DENND5B: variants seen among roughly 807,000 people sequenced by gnomAD.
DENND5B encodes DENN domain containing 5B.
DENND5B carries 34 observed loss-of-function variants against 140.6 expected under a neutral mutation model. That is an observed-to-expected ratio of 0.24 (90% CI 0.18 to 0.32). The LOEUF is 0.32. DENND5B is among the 10% of genes least tolerant of loss of function. DENND5B has a pLI of 1.00. For synonymous variants in DENND5B, 551 were observed against 562.1 expected (o/e 0.98, Z 0.28); for missense variants, 1,142 against 1,560.2 (o/e 0.73, Z 4.52).
In DENND5B at chr12:31,474,546, T is replaced by G. The variant is rs79801766; in HGVS notation, c.904+5043A>C. Among the ~76,000 whole-genome samples, 14 of 152,336 alleles carry G rather than the reference T, an allele frequency of 9.2e-5. No homozygotes were observed. The East Asian group carries it at 2.3e-3, about 25-fold the overall frequency. On this transcript the variant is annotated intron_variant, in intron 3 of 20. Transcript: ENST00000389082. ...AAATAACAGATTGAATTGGTTTAAATGGGCTGTGGATCAGAATTTCAAATC... is the reference window on the plus strand; with the variant it reads ...AAATAACAGATTGAATTGGTTTAAAGGGGCTGTGGATCAGAATTTCAAATC...
chr12:31,565,062 A>G (rs186516571), intron 1 of DENND5B, among the ~76,000 whole-genome samples: 14 of 152,294 alleles, frequency 9.2e-5, no homozygotes, highest in Admixed American at 7.8e-4. Flanking sequence ...ATGACCCTCA[A>G]TGATTCTTGG....
intron 11 of DENND5B, among the ~76,000 whole-genome samples, chr12:31,417,819 CAG>C: frequency 6.6e-6 from 1 of 152,164 alleles, no homozygotes; most frequent in East Asian, 1.9e-4. Flanking sequence ...ACATCATACT[CAG>C]CAAATACACC....
At chr12:31,405,856 T>C (rs991058293) in intron 14 of DENND5B, among the ~76,000 whole-genome samples, 1 of 150,356 alleles carries the variant, frequency 6.7e-6, no homozygotes, top group Non-Finnish European at 1.5e-5. Flanking sequence ...ACTATTTATT[T>C]ATTTTTTGAG....
intron 2 of DENND5B, among the ~76,000 whole-genome samples, chr12:31,484,994 C>T (rs2138610279): frequency 6.6e-6 from 1 of 152,228 alleles, no homozygotes; most frequent in South Asian, 2.1e-4. Flanking sequence ...AAGTACTTCC[C>T]AAAGCCAAAC....
intron 1 of DENND5B, among the ~76,000 whole-genome samples, chr12:31,588,183 T>C (rs1315546079): frequency 6.6e-6 from 1 of 152,180 alleles, no homozygotes; most frequent in Non-Finnish European, 1.5e-5. Context: ...TTCTTCTGCG[T>C]GCAATGCTGT....
intron 1 of DENND5B, among the ~76,000 whole-genome samples, chr12:31,496,898 G>C (rs2138758141): frequency 6.6e-6 from 1 of 152,136 alleles, no homozygotes; most frequent in East Asian, 1.9e-4. Context: ...TGGGATCAAG[G>C]AACTAGAAGA....
At chr12:31,393,764 T>C (rs530234190) in intron 17 of DENND5B, among the ~76,000 whole-genome samples, 4 of 152,328 alleles carry the variant, frequency 2.6e-5, no homozygotes, top group Admixed American at 6.5e-5. Context: ...GTCGGCTCAC[T>C]GCACCCTCCG....
chr12:31,524,660 AC>A (rs1443991443), intron 1 of DENND5B, among the ~76,000 whole-genome samples: 1 of 152,122 alleles, frequency 6.6e-6, no homozygotes, highest in Non-Finnish European at 1.5e-5. Context: ...TGTGACATTT[AC>A]AAAAGAAGGA....
chr12:31,446,468 A>G (rs553990150), intron 6 of DENND5B, among the ~76,000 whole-genome samples: 7 of 152,318 alleles, frequency 4.6e-5, no homozygotes, highest in South Asian at 2.1e-4. Context: ...TTTAATTTCA[A>G]TAAGTGAAGC....
intron 1 of DENND5B, among the ~76,000 whole-genome samples, chr12:31,573,373 T>C (rs1351711046): frequency 1.3e-5 from 2 of 152,208 alleles, no homozygotes; most frequent in African/African-American, 4.8e-5. Context: ...CAAAGACTGA[T>C]GTTCAGATAA....
At chr12:31,462,841 C>A (rs1223113298) in intron 3 of DENND5B, among the ~76,000 whole-genome samples, 1 of 152,144 alleles carries the variant, frequency 6.6e-6, no homozygotes, top group Non-Finnish European at 1.5e-5. Context: ...CACCTGTAAT[C>A]CCAGTTACTT....
chr12:31,491,049 C>T lies in DENND5B; in HGVS notation c.237+4761G>A, dbSNP rs142769603. 2.1e-3 allele frequency among the ~76,000 whole-genome samples: 314 copies of T among 152,268 alleles called. 2 individuals are homozygous for T. Among genetic ancestry groups the T allele is most frequent in the Non-Finnish European group, 1.1e-3 (74 of 68,030 alleles). On this transcript the variant is annotated intron_variant, in intron 2 of 20. Transcript: ENST00000389082. ...TTCCTATGAATTCTTAGGTACAACA[C>T]AGGCTTAAAGATAAGATCTATCAAC...
intron 3 of DENND5B, among the ~76,000 whole-genome samples, chr12:31,464,719 C>T (rs897349408): frequency 1.3e-5 from 2 of 152,032 alleles, no homozygotes; most frequent in South Asian, 2.1e-4. Context: ...CACCACCACG[C>T]CTGGCTAATT....
chr12:31,422,411 C>A (rs1376271792), intron 11 of DENND5B, among the ~76,000 whole-genome samples: 1 of 151,058 alleles, frequency 6.6e-6, no homozygotes, highest in Non-Finnish European at 1.5e-5. Flanking sequence ...GCCTGGGCGA[C>A]ACAGCGAGAC....
intron 1 of DENND5B, among the ~76,000 whole-genome samples, chr12:31,528,283 G>A (rs1342161741): frequency 1.3e-5 from 2 of 152,176 alleles, no homozygotes; most frequent in Non-Finnish European, 2.9e-5. Flanking sequence ...GCTTACAGCT[G>A]CATCACTCCA....
Position 31,384,812 on chromosome 12 carries a change from GT to G in DENND5B, c.*2790del, listed in dbSNP as rs2137211228. 1 of 151,644 alleles carries G rather than the reference GT, an allele frequency of 6.6e-6. No individual in the cohort carries two copies. The highest frequency in any genetic ancestry group is 2.1e-4 in the South Asian group (1 of 4,792). The allele number at this position is 151,644 out of a possible 1,614,324, so 9.4% of individuals were successfully genotyped here. ...ACGGAGTCTCGCTCTTGTCACCCAG[GT>G]TGGAGTGCAGTGGCACAATCTCGGC... On this transcript the variant is annotated 3_prime_UTR_variant, in exon 21 of 21. Transcript: ENST00000389082.
At chr12:31,556,204 CCCTT>C (rs1949275446) in intron 1 of DENND5B, among the ~76,000 whole-genome samples, 1 of 152,040 alleles carries the variant, frequency 6.6e-6, no homozygotes, top group African/African-American at 2.4e-5. Context: ...GGCTCCTCCC[CCCTT>C]TTTTTTCTTT....
In DENND5B at chr12:31,433,198, C is replaced by T. The variant is rs369424650; in HGVS notation, c.2063G>A (p.Arg688His). The T allele has an allele frequency of 3.7e-6, 6 of 1,613,882 alleles. No individual in the cohort carries two copies. Among genetic ancestry groups the T allele is most frequent in the East Asian group, 4.5e-5 (2 of 44,868 alleles). The change falls in exon 8 of 21, where the codon CGC becomes CAC. Residue 688 changes from arginine to histidine, a missense_variant. Arg to His is a conservative substitution (Grantham distance 29). This residue lies in a region of DENND5B where 708 missense variants were observed against 905.5 expected (regional missense o/e 0.78). Coordinates refer to ENST00000389082, the MANE Select transcript of DENND5B (RefSeq NM_144973.4). Reference sequence around the variant, plus strand: ...CAGCCCAACATGCTCAGAATGCTGGCGAAGGCGTTCTTTCCTGCGCTGTGC... The same window carrying T: ...CAGCCCAACATGCTCAGAATGCTGGTGAAGGCGTTCTTTCCTGCGCTGTGC... ...ATAQRRKERL[R>H]QHSEHVGLDN...
intron 1 of DENND5B, among the ~76,000 whole-genome samples, chr12:31,583,293 TAA>T (rs1200459160): frequency 5.4e-5 from 6 of 110,464 alleles, no homozygotes; most frequent in Middle Eastern, 4.6e-3. Flanking sequence ...CTCAGTCTTT[TAA>T]AAAAAAAAAA....
Sources: gnomAD v4.1 joint callset for allele counts (sites outside exome capture counted in the v4.1 genomes callset) on GRCh38, gnomAD v4.1.1 for gene constraint, gnomAD v4.1.1 regional missense constraint, MANE v1.5 for transcripts, NCBI Gene and HGNC (gene_info 2026-07-23, HGNC 2026-07-21) for gene names.